Variants in HOOK1 observed in about 807,000 individuals in gnomAD.
HOOK1 encodes the protein protein Hook homolog 1.
Under a neutral mutation model 112.8 loss-of-function variants are expected in HOOK1, and 60 were observed. The ratio of observed to expected loss-of-function variants is 0.53; its 90% confidence interval spans 0.43 to 0.66. The LOEUF (loss-of-function observed/expected upper bound fraction) is 0.66. Among genes scored for constraint, HOOK1 ranks in the 30% least tolerant of loss-of-function variants. HOOK1 has a pLI of 0.00. For synonymous variants in HOOK1, 294 were observed against 283.8 expected, an observed-to-expected ratio of 1.04 and a Z score of -0.36; for missense variants, 770 against 856.0, an observed-to-expected ratio of 0.90 and a Z score of 1.25.
At chr1:59,836,705 T>C (rs2098397927) in intron 6 of HOOK1, among the ~76,000 whole-genome samples, 168 bp from the exon 7 acceptor site, 1 of 152,216 alleles carries the variant, frequency 6.6e-6, no homozygotes, top group Non-Finnish European at 1.5e-5. Context: ...ATTTGTGTTA[T>C]TAAGTTAAGG....
At chr1:59,871,135 T>C (rs371220101) in intron 21 of HOOK1, 25 bp downstream of exon 21, 2 of 1,551,638 alleles carry the variant, frequency 1.3e-6, no homozygotes, top group Admixed American at 1.7e-5. Context: ...AGCAAATGAT[T>C]GGATGAGAAC....
intron 14 of HOOK1, 64 bp downstream of exon 14, chr1:59,859,109 A>C (rs570294916): frequency 6.7e-5 from 47 of 698,712 alleles, no homozygotes; most frequent in Non-Finnish European, 9.1e-5. Context: ...TTTTTTGTAA[A>C]TGTCTTGGCC....
chr1:59,848,190 C>G (rs1170566071), intron 10 of HOOK1, 125 bp from the exon 11 acceptor site: 2 of 645,652 alleles, frequency 3.1e-6, no homozygotes, highest in Non-Finnish European at 5.2e-6. Flanking sequence ...CCTCTTCTCA[C>G]TCACTCACAT....
chr1:59,858,663 G>C, intron 13 of HOOK1, 148 bp downstream of exon 13: 1 of 640,688 alleles, frequency 1.6e-6, no homozygotes, highest in Non-Finnish European at 2.8e-6. Context: ...CTTGAGCCTA[G>C]GAGTTTGAAG....
At chr1:59,867,361 A>T (rs1351323980) in intron 19 of HOOK1, among the ~76,000 whole-genome samples, 1 of 152,176 alleles carries the variant, frequency 6.6e-6, no homozygotes, top group Non-Finnish European at 1.5e-5. Flanking sequence ...CTGAATCCTC[A>T]TCTGCCAGTA....
At chr1:59,846,527 TTTCCTTCCTTCCTTCC>T (rs56170541) in intron 9 of HOOK1, among the ~76,000 whole-genome samples, 4 of 87,238 alleles carry the variant, frequency 4.6e-5, no homozygotes, top group African/African-American at 9.6e-5. Flanking sequence ...CTTCCTTCCT[TTTCCTTCCTTCCTTCC>T]TTCCTTCCTT....
In HOOK1 at chr1:59,847,119, G is replaced by C. The variant is rs371186619; in HGVS notation, c.863G>C (p.Arg288Thr). The change falls in exon 10 of 22, where the codon AGG (arginine) becomes ACG (threonine). Residue 288 changes from arginine (R) to threonine (T), a missense_variant. Coordinates refer to ENST00000371208, the MANE Select transcript of HOOK1 (RefSeq NM_015888.6). Reference sequence around the variant, plus strand: ...AAGCAGCTAATCGAATTCCAGCATAGGAATGATGAATTGACTAGTCTTGCA... The same window carrying C: ...AAGCAGCTAATCGAATTCCAGCATACGAATGATGAATTGACTAGTCTTGCA... ...LEKQLIEFQHRNDELTSLAEE... is the reference protein window; with the variant it reads ...LEKQLIEFQHTNDELTSLAEE... 146 of 1,608,088 alleles carry C rather than the reference G, an allele frequency of 9.1e-5. No homozygotes were observed. Among genetic ancestry groups the C allele is most frequent in the Non-Finnish European group, 1.2e-4 (141 of 1,176,816 alleles).
At chr1:59,869,070 G>C (rs1644014059) in intron 20 of HOOK1, among the ~76,000 whole-genome samples, 1 of 152,168 alleles carries the variant, frequency 6.6e-6, no homozygotes, top group Admixed American at 6.5e-5. Flanking sequence ...TAATACTGTA[G>C]TGAGATTTGA....
chr1:59,862,755 G>A, intron 15 of HOOK1, 29 bp from the exon 16 acceptor site: 1 of 1,387,546 alleles, frequency 7.2e-7, no homozygotes, highest in Non-Finnish European at 1.0e-6. Flanking sequence ...TTCAATACAA[G>A]TAAATGCTTA....
rs1644083681 is a variant in HOOK1, at chr1:59,873,073, C to T, written c.*108C>T. The stretch of plus-strand genomic sequence containing the variant: ...CCAGATTGAAAAAGAGTTTATGATG[C>T]GGGATATCAGGTATTTTAAAATCAA... On this transcript the variant is annotated 3_prime_UTR_variant, in exon 22 of 22. Transcript: ENST00000371208. 9 of 877,030 alleles carry T rather than the reference C, an allele frequency of 1.0e-5. No homozygotes were observed. The highest frequency in any genetic ancestry group is 3.2e-5 in the East Asian group (1 of 30,862). 54.3% of individuals were successfully genotyped at this position (877,030 alleles called of 1,614,324 possible). A position where few individuals can be genotyped will look rare whatever the true frequency, so the allele number is the denominator to read the frequency against.
intron 2 of HOOK1, among the ~76,000 whole-genome samples, chr1:59,822,871 A>G (rs998654212): frequency 6.6e-6 from 1 of 152,230 alleles, no homozygotes; most frequent in Admixed American, 6.5e-5. Context: ...ACTTGTTTAG[A>G]ATCTTCAAAA....
In HOOK1 at chr1:59,848,333, A is replaced by G. The variant is rs2098405297; in HGVS notation, c.948A>G (p.Ala316=). Residue 316 remains alanine, a synonymous_variant, in exon 11 of 22, where the codon GCA becomes GCG. Coordinates refer to ENST00000371208, the MANE Select transcript of HOOK1 (RefSeq NM_015888.6). ...ATTATAGGGCTACCTCTGATAAAGC[A>G]AATAAACTGGAGTCAACAGTTGAGA... ...IDVLRATSDK[A]NKLESTVEIY... is the part of the protein sequence containing the mutation. The G allele has an allele frequency of 6.2e-7, 1 of 1,610,614 alleles. No individual in the cohort carries two copies. The highest frequency in any genetic ancestry group is 8.5e-7 in the Non-Finnish European group (1 of 1,177,678).
intron 12 of HOOK1, among the ~76,000 whole-genome samples, chr1:59,855,340 C>T (rs2098409907): frequency 6.6e-6 from 1 of 152,156 alleles, no homozygotes; most frequent in Non-Finnish European, 1.5e-5. Flanking sequence ...TCTTTGTGTT[C>T]ATGAGTTCTC....
rs1041109525 is a variant in HOOK1, at chr1:59,868,315, G to A, written c.1911G>A (p.Gln637=). 1.2e-6 allele frequency: 2 copies of A among 1,610,534 alleles called. No individual in the cohort carries two copies. Among genetic ancestry groups the A allele is most frequent in the Non-Finnish European group, 8.5e-7 (1 of 1,177,466 alleles). The change falls in exon 20 of 22, where the codon CAG becomes CAA. Residue 637 remains glutamine (Q), a synonymous_variant. Coordinates refer to ENST00000371208, the MANE Select transcript of HOOK1 (RefSeq NM_015888.6). ...CTGAAATAATGCTACTAAGAAAGCA[G>A]TTGGCAGAGAAAGAGAGAAGAATTG... is the stretch of plus-strand genomic sequence containing the variant. ...ASAEIMLLRK[Q]LAEKERRIEI... is the part of the protein sequence containing the mutation.
chr1:59,854,017 TATATATATATATATATATA>T (rs1426508423), intron 12 of HOOK1, among the ~76,000 whole-genome samples: 2 of 22,538 alleles, frequency 8.9e-5, no homozygotes, highest in African/African-American at 1.8e-4. Context: ...TATATATATA[TATATATATATATATATATA>T]TATTTTTTTT....
At chr1:59,819,176 G>T (rs2102000481) in intron 1 of HOOK1, among the ~76,000 whole-genome samples, 1 of 108,664 alleles carries the variant, frequency 9.2e-6, no homozygotes, top group Non-Finnish European at 1.7e-5. Context: ...TTGAGGCGAA[G>T]TCTCACTCTG....
chr1:59,841,036 T>C (rs2098400777), intron 8 of HOOK1, among the ~76,000 whole-genome samples: 1 of 152,140 alleles, frequency 6.6e-6, no homozygotes, highest in Admixed American at 6.6e-5. Context: ...GTTTTCTCTT[T>C]TGAGAAATGG....
chr1:59,849,190 A>AT lies in HOOK1; in HGVS notation c.1242+8dup. ...TTTACTTAAGGAAAAAGAGGTAAAC[A>AT]TAGATATAATTGATAAGGAATATTT... On this transcript the variant is annotated splice_region_variant and intron_variant, in intron 12 of 21. Transcript: ENST00000371208. 1.3e-6 allele frequency: 2 copies of AT among 1,530,114 alleles called. No homozygotes were observed. The highest frequency in any genetic ancestry group is 2.7e-5 in the African/African-American group (2 of 72,838). The allele number at this position is 1,530,114 out of a possible 1,614,324, so 94.8% of individuals were successfully genotyped here. A position where few individuals can be genotyped will look rare whatever the true frequency, so the allele number is the denominator to read the frequency against.
chr1:59,872,676 A>T, intron 21 of HOOK1, 119 bp from the exon 22 acceptor site: 2 of 569,840 alleles, frequency 3.5e-6, no homozygotes, highest in East Asian at 6.9e-5. Flanking sequence ...TTTCTATAAA[A>T]ATGAGGAAAG....
Sources: gnomAD v4.1 joint callset for allele counts (sites outside exome capture counted in the v4.1 genomes callset) on GRCh38, gnomAD v4.1.1 for gene constraint, MANE v1.5 for transcripts, NCBI Gene and HGNC (gene_info 2026-07-23, HGNC 2026-07-21) for gene names.